Variants in ARB2A observed in about 807,000 individuals in gnomAD.
The protein encoded by ARB2A is cotranscriptional regulator ARB2A.
chr5:93,994,189 A>G, the ARB2A span, among the ~76,000 whole-genome samples: 1 of 152,260 alleles, frequency 6.6e-6, no homozygotes, highest in Non-Finnish European at 1.5e-5. Flanking sequence ...AACTGAAACC[A>G]GAATCTCAAA....
chr5:93,952,784 T>TG, the ARB2A span, among the ~76,000 whole-genome samples: 1 of 152,208 alleles, frequency 6.6e-6, no homozygotes, highest in Admixed American at 6.5e-5. Context: ...CTACCACTTC[T>TG]TTATGGTCAA....
chr5:93,679,370 C>T, the ARB2A span, among the ~76,000 whole-genome samples: 1 of 151,804 alleles, frequency 6.6e-6, no homozygotes, highest in Non-Finnish European at 1.5e-5. Flanking sequence ...TTCAACACGT[C>T]GAAAATGTCC....
chr5:94,104,656 C>G, the ARB2A span, among the ~76,000 whole-genome samples: 1 of 151,990 alleles, frequency 6.6e-6, no homozygotes, highest in East Asian at 1.9e-4. Flanking sequence ...TTCTATGAAG[C>G]TAGCATCATT....
the ARB2A span, chr5:93,805,575 T>G: frequency 9.1e-6 from 9 of 984,998 alleles, no homozygotes; most frequent in Non-Finnish European, 1.1e-5. Context: ...TCCTGATAAT[T>G]ACACAGAGGT....
the ARB2A span, among the ~76,000 whole-genome samples, chr5:93,851,721 G>C: frequency 5.9e-5 from 9 of 152,038 alleles, no homozygotes; most frequent in African/African-American, 2.2e-4. Flanking sequence ...TTTTGTTCTT[G>C]CGATAGTTTA....
chr5:94,057,677 A>C, the ARB2A span, among the ~76,000 whole-genome samples: 1 of 152,234 alleles, frequency 6.6e-6, no homozygotes, highest in East Asian at 1.9e-4. Context: ...CAGGAACCGA[A>C]TTATTTCCAC....
the ARB2A span, among the ~76,000 whole-genome samples, chr5:93,913,930 CAG>C: frequency 6.6e-6 from 1 of 151,874 alleles, no homozygotes; most frequent in African/African-American, 2.4e-5. Context: ...ATACAATAGA[CAG>C]AGCTTGGTTT....
At chr5:93,990,111 G>C in the ARB2A span, among the ~76,000 whole-genome samples, 3 of 151,880 alleles carry the variant, frequency 2.0e-5, no homozygotes, top group Non-Finnish European at 4.4e-5. Context: ...ATCAGACATT[G>C]TACATGTAAA....
At chr5:93,898,169 T>C in the ARB2A span, among the ~76,000 whole-genome samples, 3 of 152,080 alleles carry the variant, frequency 2.0e-5, no homozygotes, top group African/African-American at 7.2e-5. Context: ...CGATTTCTTA[T>C]AATCTGAGTA....
the ARB2A span, among the ~76,000 whole-genome samples, chr5:94,075,619 G>A: frequency 2.0e-5 from 3 of 152,150 alleles, no homozygotes; most frequent in African/African-American, 7.2e-5. Flanking sequence ...CTACATTCAT[G>A]ACAATATAAC....
the ARB2A span, chr5:93,683,106 G>A: frequency 6.4e-7 from 1 of 1,552,244 alleles, no homozygotes; most frequent in Non-Finnish European, 8.8e-7. Flanking sequence ...TTTGACTTTT[G>A]TGCATTTTTG....
chr5:93,628,437 C>A, the ARB2A span, among the ~76,000 whole-genome samples: 21 of 152,286 alleles, frequency 1.4e-4, no homozygotes, highest in African/African-American at 5.1e-4. Context: ...TCATTAGCCC[C>A]TAACAAGAGA....
the ARB2A span, chr5:94,053,152 T>C: frequency 6.3e-7 from 1 of 1,598,584 alleles, no homozygotes; most frequent in Non-Finnish European, 8.5e-7. Flanking sequence ...TTCAAATCCT[T>C]CCAGGGTATC....
At chr5:94,023,110 T>G in the ARB2A span, among the ~76,000 whole-genome samples, 1 of 152,246 alleles carries the variant, frequency 6.6e-6, no homozygotes. Context: ...TATGCCAGAA[T>G]ATCTAAGGGC....
At chr5:93,788,725 A>G in the ARB2A span, among the ~76,000 whole-genome samples, 3 of 152,210 alleles carry the variant, frequency 2.0e-5, no homozygotes, top group Non-Finnish European at 2.9e-5. Context: ...CTTATACTGA[A>G]TTAAGGTAGA....
chr5:94,000,425 A>G, the ARB2A span, among the ~76,000 whole-genome samples: 1 of 152,168 alleles, frequency 6.6e-6, no homozygotes, highest in South Asian at 2.1e-4. Flanking sequence ...GATATGGAAC[A>G]TCTTTTCATA....
the ARB2A span, among the ~76,000 whole-genome samples, chr5:94,036,144 T>C: frequency 6.6e-6 from 1 of 152,228 alleles, no homozygotes; most frequent in Non-Finnish European, 1.5e-5. Context: ...AAGTATTTTC[T>C]TTTTCTCTGC....
the ARB2A span, among the ~76,000 whole-genome samples, chr5:93,709,642 A>AC: frequency 4.7e-3 from 699 of 149,632 alleles, 4 homozygotes; most frequent in African/African-American, 0.016. Context: ...CAAAAAAAAA[A>AC]AAAAAAAAAA....
At chr5:93,773,513 A>C in the ARB2A span, among the ~76,000 whole-genome samples, 1 of 152,196 alleles carries the variant, frequency 6.6e-6, no homozygotes, top group Non-Finnish European at 1.5e-5. Flanking sequence ...ACTCTTCGAG[A>C]ATGAAAGTGT....
Sources: gnomAD v4.1 joint callset for allele counts (sites outside exome capture counted in the v4.1 genomes callset) on GRCh38, gnomAD v4.1.1 for gene constraint, MANE v1.5 for transcripts, NCBI Gene and HGNC (gene_info 2026-07-23, HGNC 2026-07-21) for gene names.